The following MCTP2 variants were observed in gnomAD, a reference collection of about 807,000 sequenced individuals.
MCTP2 encodes the protein multiple C2 and transmembrane domain containing 2.
In MCTP2, 132 loss-of-function variants were observed where a neutral mutation model predicts 111.6. The ratio of observed to expected loss-of-function variants is 1.18; its 90% confidence interval spans 1.03 to 1.37. The LOEUF is 1.37. MCTP2 is among the 40% of genes most tolerant of loss of function. MCTP2 has a pLI of 0.00. For synonymous variants in MCTP2, 395 were observed against 387.7 expected, an observed-to-expected ratio of 1.02 and a Z score of -0.22; for missense variants, 1,183 against 1,067.9, an observed-to-expected ratio of 1.11 and a Z score of -1.50.
intron 1 of MCTP2, among the ~76,000 whole-genome samples, chr15:94,246,492 G>T (rs1463559475): frequency 6.6e-6 from 1 of 152,158 alleles, no homozygotes; most frequent in African/African-American, 2.4e-5. Flanking sequence ...TGCTCTTGTT[G>T]TTTGGAAATA....
intron 4 of MCTP2, among the ~76,000 whole-genome samples, chr15:94,333,845 C>G (rs1219731781): frequency 6.6e-6 from 1 of 152,156 alleles, no homozygotes; most frequent in African/African-American, 2.4e-5. Flanking sequence ...TTTTATACAG[C>G]TCTTTCTTTC....
intron 21 of MCTP2, among the ~76,000 whole-genome samples, chr15:94,474,660 A>G (rs925699773): frequency 4.6e-5 from 7 of 152,248 alleles, no homozygotes; most frequent in South Asian, 2.1e-4. Context: ...GGAGTTCAAC[A>G]CCAGCCTGAC....
intron 2 of MCTP2, among the ~76,000 whole-genome samples, chr15:94,308,882 A>T (rs1022902261): frequency 6.6e-6 from 1 of 152,216 alleles, no homozygotes; most frequent in East Asian, 1.9e-4. Flanking sequence ...GTCTCATGGG[A>T]TGTAATTTAC....
chr15:94,478,920 G>C, intron 22 of MCTP2, 46 bp from the exon 23 acceptor site: 1 of 1,587,114 alleles, frequency 6.3e-7, no homozygotes, highest in Non-Finnish European at 8.6e-7. Flanking sequence ...ACTGTGGCGA[G>C]CTAGGGTTAC....
At chr15:94,315,700 C>A in intron 4 of MCTP2, 63 bp downstream of exon 4, 2 of 1,169,736 alleles carry the variant, frequency 1.7e-6, no homozygotes, top group Non-Finnish European at 2.5e-6. Flanking sequence ...GTCCTTGTAT[C>A]AATATTGTCA....
At chr15:94,245,395 CATGTGTGTATATATTT>C (rs2071815734) in intron 1 of MCTP2, among the ~76,000 whole-genome samples, 1 of 49,644 alleles carries the variant, frequency 2.0e-5, no homozygotes, top group Non-Finnish European at 4.8e-5. Context: ...TATTTATATA[CATGTGTGTATATATTT>C]ATATACATGT....
At chr15:94,305,002 CT>C (rs1333167438) in intron 2 of MCTP2, among the ~76,000 whole-genome samples, 1 of 152,044 alleles carries the variant, frequency 6.6e-6, no homozygotes, top group Non-Finnish European at 1.5e-5. Context: ...ATATTGTGTC[CT>C]TTAGGTGACT....
intron 21 of MCTP2, among the ~76,000 whole-genome samples, chr15:94,473,782 A>C (rs983674793): frequency 6.6e-6 from 1 of 152,232 alleles, no homozygotes; most frequent in African/African-American, 2.4e-5. Flanking sequence ...ATGAACAGGC[A>C]AGGAACCCCT....
intron 5 of MCTP2, 98 bp from the exon 6 acceptor site, chr15:94,340,101 G>T: frequency 2.5e-6 from 2 of 813,218 alleles, no homozygotes; most frequent in South Asian, 3.1e-5. Flanking sequence ...CTGAAAGACT[G>T]ATTTCAGAAT....
At chr15:94,416,095 G>T (rs2082366387) in intron 17 of MCTP2, among the ~76,000 whole-genome samples, 1 of 152,108 alleles carries the variant, frequency 6.6e-6, no homozygotes, top group Non-Finnish European at 1.5e-5. Context: ...ACTATGCACA[G>T]TTGCATCATT....
intron 7 of MCTP2, among the ~76,000 whole-genome samples, chr15:94,344,626 A>G (rs186336667): frequency 5.1e-4 from 78 of 152,282 alleles, no homozygotes; most frequent in Non-Finnish European, 2.1e-4. Flanking sequence ...CATTTTCTTA[A>G]TTATGCAATA....
intron 17 of MCTP2, among the ~76,000 whole-genome samples, chr15:94,435,626 A>ATTTT (rs1287049287): frequency 7.6e-6 from 1 of 132,256 alleles, no homozygotes; most frequent in African/African-American, 2.8e-5. Flanking sequence ...TACTTTTTTT[A>ATTTT]TTCTTTTTTT....
chr15:94,302,406 A>C (rs1445164402), intron 2 of MCTP2, among the ~76,000 whole-genome samples: 1 of 152,218 alleles, frequency 6.6e-6, no homozygotes, highest in South Asian at 2.1e-4. Context: ...GGGAATTGGA[A>C]TGATGGGGCA....
chr15:94,477,254 C>T (rs1170339810), intron 22 of MCTP2, among the ~76,000 whole-genome samples: 2 of 152,144 alleles, frequency 1.3e-5, no homozygotes, highest in African/African-American at 4.8e-5. Context: ...CTATCGTCTT[C>T]CCTCTGAAGA....
chr15:94,405,806 T>C (rs3784648), intron 17 of MCTP2, among the ~76,000 whole-genome samples: 23,918 of 152,240 alleles, frequency 0.16, 2,044 homozygotes, highest in Non-Finnish European at 0.17. Flanking sequence ...GGTCTTTCTC[T>C]TTCCCCTATG....
At chr15:94,395,960 A>G (rs1344579525) in intron 14 of MCTP2, among the ~76,000 whole-genome samples, 1 of 152,158 alleles carries the variant, frequency 6.6e-6, no homozygotes, top group Non-Finnish European at 1.5e-5. Context: ...GAAAGTGTCA[A>G]TTTTCCTGAT....
At chr15:94,273,030 A>G (rs1382558106) in intron 1 of MCTP2, among the ~76,000 whole-genome samples, 1 of 152,214 alleles carries the variant, frequency 6.6e-6, no homozygotes, top group Non-Finnish European at 1.5e-5. Flanking sequence ...ATCTCAGGCT[A>G]TCCCTTGAAA....
At chr15:94,380,141 G>A (rs138148632) in intron 12 of MCTP2, among the ~76,000 whole-genome samples, 1,641 of 152,076 alleles carry the variant, frequency 0.011, 27 homozygotes, top group African/African-American at 0.038. Context: ...TCCCTAGGCC[G>A]TAGCACTGTT....
intron 3 of MCTP2, chr15:94,314,615 GC>G: frequency 1.9e-6 from 1 of 532,420 alleles, no homozygotes. Context: ...AGTTTGAAGT[GC>G]TTTGAAACTT....
Sources: allele counts gnomAD v4.1 joint callset (sites outside exome capture counted in the v4.1 genomes callset), GRCh38; gene constraint gnomAD v4.1.1; transcripts MANE v1.5; gene names NCBI Gene and HGNC (gene_info 2026-07-23, HGNC 2026-07-21).